BCOR: variants seen among roughly 807,000 people sequenced by gnomAD.
The protein encoded by BCOR is BCL-6 corepressor.
A neutral mutation model predicts 86.7 loss-of-function variants in BCOR; 10 were observed. The observed-to-expected ratio is 0.12, with a 90% CI of 0.07 to 0.20. The LOEUF (loss-of-function observed/expected upper bound fraction) is 0.20. Ranked by LOEUF, BCOR falls within the 10% of genes least tolerant of loss-of-function variation. BCOR has a pLI of 1.00. For synonymous variants in BCOR, 611 were observed against 609.0 expected (o/e 1.00, Z -0.05); for missense variants, 1,259 against 1,452.1 (o/e 0.87, Z 2.16).
chrX:40,128,252 T>C (rs1053888782), intron 1 of BCOR, among the ~76,000 whole-genome samples: 5 of 106,171 alleles, frequency 4.7e-5, no homozygotes, highest in Admixed American at 1.0e-4. Context: ...CAAAAAAGTA[T>C]ATTGGGTTAG....
chrX:40,054,694 G>C (rs1400061331), intron 12 of BCOR, among the ~76,000 whole-genome samples: 5 of 111,781 alleles, frequency 4.5e-5, no homozygotes, highest in African/African-American at 6.5e-5. Context: ...GTAGACACAG[G>C]GTTTTACCAT....
intron 6 of BCOR, among the ~76,000 whole-genome samples, chrX:40,067,684 G>A (rs1028851255): frequency 6.3e-5 from 7 of 111,381 alleles, no homozygotes; most frequent in African/African-American, 1.3e-4. Flanking sequence ...AGCCTCTCAA[G>A]GCAAACATCC....
chrX:40,105,384 G>T (rs1037018114), intron 1 of BCOR, among the ~76,000 whole-genome samples: 3 of 112,084 alleles, frequency 2.7e-5, no homozygotes, highest in Admixed American at 9.2e-5. Flanking sequence ...GCGCCGCCCC[G>T]AGCGGCCTCC....
Position 40,063,020 on chromosome X carries a change from C to A in BCOR, c.3899G>T (p.Ser1300Ile). 2 of 1,129,484 alleles carry A rather than the reference C, an allele frequency of 1.8e-6. No individual in the cohort carries two copies. Among genetic ancestry groups the A allele is most frequent in the Admixed American group, 2.7e-5 (1 of 37,431 alleles). The allele number at this position is 1,129,484 out of a possible 1,213,427, so 93.1% of individuals were successfully genotyped here. The change falls in exon 9 of 15, where the codon AGT becomes ATT. Residue 1300 changes from serine to isoleucine, a missense_variant. By Grantham distance (142) the Ser-to-Ile change is moderately radical. This residue lies in a region of BCOR where 305 missense variants were observed against 286.1 expected (regional missense o/e 1.07). Coordinates refer to ENST00000378444, the MANE Select transcript of BCOR (RefSeq NM_001123385.2). ...SPPMKSLSSTSAGGKKQAQPS... is the reference protein window; with the variant it reads ...SPPMKSLSSTIAGGKKQAQPS... ...CTGAGCCTGCTTTTTGCCGCCTGCACTGGTGGATGAAAGACTCTTCATGGG... is the reference window on the plus strand; with the variant it reads ...CTGAGCCTGCTTTTTGCCGCCTGCAATGGTGGATGAAAGACTCTTCATGGG...
rs200225334 is a variant in BCOR at position 40,064,307 on chromosome X, G to A, written c.3502+29C>T. 14 of 1,210,605 alleles carry A rather than the reference G, an allele frequency of 1.2e-5. No homozygotes were observed. The East Asian group carries it at 1.8e-4, about 15-fold the overall frequency. On this transcript the variant is annotated intron_variant, in intron 7 of 14. Coordinates refer to ENST00000378444, the MANE Select transcript of BCOR (RefSeq NM_001123385.2). ...GGCCGCATGCAAAGGCCCACCCCCC[G>A]GCAGGCGGGCGAAGCAGACAGGGCT...
At chrX:40,118,519 G>A (rs1197697122) in intron 1 of BCOR, among the ~76,000 whole-genome samples, 3 of 110,208 alleles carry the variant, frequency 2.7e-5, no homozygotes, top group Non-Finnish European at 3.8e-5. Context: ...CACCCGTCTC[G>A]GCCTCCCAAA....
At position 40,083,492 on chromosome X, in the gene BCOR, C is replaced by A. The variant is rs191558804; in HGVS notation, c.-40-5523G>T. Among the ~76,000 whole-genome samples, 48 of 112,530 alleles carry A rather than the reference C, an allele frequency of 4.3e-4. No homozygotes were observed. In the East Asian group the frequency reaches 0.014, roughly 32 times the overall value. On this transcript the variant is annotated intron_variant, in intron 1 of 14. Transcript: ENST00000378444. ...TCGCCGGCCCAGACCATTCCAGCAC[C>A]CAGAACCTTCCCGGCCTCCTCCCGG... is the stretch of plus-strand genomic sequence containing the variant.
At chrX:40,071,959 C>T (rs1935496034) in intron 4 of BCOR, 5 of 387,888 alleles carry the variant, frequency 1.3e-5, no homozygotes, top group South Asian at 4.5e-5. Flanking sequence ...CACAGACATG[C>T]GGCTGCTACA....
intron 1 of BCOR, among the ~76,000 whole-genome samples, chrX:40,155,220 C>A (rs903080027): frequency 8.9e-6 from 1 of 112,941 alleles, no homozygotes; most frequent in Admixed American, 9.2e-5. Context: ...TCCGAAAGGT[C>A]AGCCAAGGTC....
chrX:40,070,189 T>G (rs1236513710), intron 6 of BCOR, among the ~76,000 whole-genome samples: 1 of 111,915 alleles, frequency 8.9e-6, no homozygotes, highest in East Asian at 2.8e-4. Context: ...CTCCAGTTAG[T>G]TCACCCAGAC....
intron 1 of BCOR, among the ~76,000 whole-genome samples, chrX:40,088,557 T>G (rs144257295): frequency 3.2e-4 from 36 of 112,079 alleles, no homozygotes; most frequent in Admixed American, 6.6e-4. Flanking sequence ...CAAGTGTAGC[T>G]TCAATCAAAC....
chrX:40,169,410 A>AAC (rs1938572128), intron 1 of BCOR, among the ~76,000 whole-genome samples: 1 of 112,063 alleles, frequency 8.9e-6, no homozygotes, highest in Non-Finnish European at 1.9e-5. Context: ...TTAACTGTTA[A>AAC]TTGTCGAAAT....
At chrX:40,111,287 T>C (rs1215671554) in intron 1 of BCOR, among the ~76,000 whole-genome samples, 2 of 111,713 alleles carry the variant, frequency 1.8e-5, no homozygotes, top group Non-Finnish European at 3.8e-5. Flanking sequence ...GCATCACCCA[T>C]CTTTATAATG....
chrX:40,066,367 G>A (rs1446817643), intron 6 of BCOR, among the ~76,000 whole-genome samples: 1 of 111,638 alleles, frequency 9.0e-6, no homozygotes, highest in Non-Finnish European at 1.9e-5. Context: ...GCTGCGACTC[G>A]AGTTGCTCTG....
At chrX:40,165,007 C>A (rs756419177) in intron 1 of BCOR, among the ~76,000 whole-genome samples, 7 of 111,943 alleles carry the variant, frequency 6.3e-5, no homozygotes, top group African/African-American at 2.3e-4. Context: ...TCAGGCTGCC[C>A]TCCTGGGGAA....
chrX:40,062,077 A>G, intron 10 of BCOR, 62 bp downstream of exon 10: 1 of 1,154,907 alleles, frequency 8.7e-7, no homozygotes, highest in Non-Finnish European at 1.2e-6. Context: ...CCCCTCGCCC[A>G]CCACAGTCCG....
intron 1 of BCOR, among the ~76,000 whole-genome samples, chrX:40,146,145 CGA>C (rs1459395550): frequency 1.8e-5 from 2 of 112,047 alleles, no homozygotes; most frequent in African/African-American, 6.5e-5. Flanking sequence ...TGCCGGCGCG[CGA>C]GAGACTTTTT....
intron 1 of BCOR, among the ~76,000 whole-genome samples, chrX:40,174,595 T>A (rs971994440): frequency 1.8e-5 from 2 of 112,744 alleles, no homozygotes; most frequent in Non-Finnish European, 3.8e-5. Flanking sequence ...CAGAACCATC[T>A]ACTACTAACT....
At chrX:40,084,691 G>A (rs1245042991) in intron 1 of BCOR, among the ~76,000 whole-genome samples, 1 of 104,992 alleles carries the variant, frequency 9.5e-6, no homozygotes, top group African/African-American at 3.8e-5. Flanking sequence ...AAACACAAAC[G>A]CCGTCGCCGC....
Sources: allele counts gnomAD v4.1 joint callset (sites outside exome capture counted in the v4.1 genomes callset), GRCh38; gene constraint gnomAD v4.1.1; regional missense constraint gnomAD v4.1.1; transcripts MANE v1.5; gene names NCBI Gene and HGNC (gene_info 2026-07-23, HGNC 2026-07-21).